The following FRMD4A variants were observed in gnomAD, a reference collection of about 807,000 sequenced individuals.
FRMD4A encodes the protein FERM domain-containing protein 4A.
A neutral mutation model predicts 129.1 loss-of-function variants in FRMD4A; 29 were observed. The ratio of observed to expected loss-of-function variants is 0.22; its 90% CI spans 0.17 to 0.31. The LOEUF (loss-of-function observed/expected upper bound fraction) is 0.31. Ranked by LOEUF, FRMD4A falls within the 10% of genes least tolerant of loss-of-function variation. The pLI, the probability that FRMD4A is intolerant of heterozygous loss-of-function variation, is 1.00. For missense variants in FRMD4A, 1,272 were observed against 1,375.8 expected, an observed-to-expected ratio of 0.92 and a Z score of 1.19; for synonymous variants, 634 against 571.6, an observed-to-expected ratio of 1.11 and a Z score of -1.56.
chr10:13,879,719 TCTCCCTTCTCCCTC>T, intron 2 of FRMD4A, among the ~76,000 whole-genome samples: 1 of 140,854 alleles, frequency 7.1e-6, no homozygotes, highest in South Asian at 2.5e-4. Context: ...CTTCCTCCCT[TCTCCCTTCTCCCTC>T]CTCCTCTCCC....
intron 2 of FRMD4A, among the ~76,000 whole-genome samples, chr10:13,979,383 G>A (rs1609477): frequency 0.024 from 3,604 of 152,144 alleles, 110 homozygotes; most frequent in East Asian, 0.12. Context: ...CGATTAAGCT[G>A]ACTTTATGCT....
intron 12 of FRMD4A, among the ~76,000 whole-genome samples, chr10:13,732,633 G>A (rs910180791): frequency 6.6e-6 from 1 of 152,256 alleles, no homozygotes; most frequent in Admixed American, 6.5e-5. Context: ...AGCTGTTACT[G>A]CAGAAGCCTC....
chr10:13,790,701 G>A (rs971068763), intron 5 of FRMD4A, among the ~76,000 whole-genome samples: 3 of 152,080 alleles, frequency 2.0e-5, no homozygotes, highest in African/African-American at 7.2e-5. Context: ...AGTGACCAGG[G>A]GGTACGATGG....
intron 4 of FRMD4A, among the ~76,000 whole-genome samples, chr10:13,796,958 G>A (rs1350664324): frequency 6.6e-6 from 1 of 152,162 alleles, no homozygotes; most frequent in Non-Finnish European, 1.5e-5. Flanking sequence ...GACCTCAGGT[G>A]ATCCGCCCAC....
chr10:13,814,079 A>T (rs1204181379), intron 3 of FRMD4A, among the ~76,000 whole-genome samples: 1 of 152,142 alleles, frequency 6.6e-6, no homozygotes, highest in East Asian at 1.9e-4. Context: ...TGTGCTCGAG[A>T]ATGGATTTGA....
intron 12 of FRMD4A, among the ~76,000 whole-genome samples, chr10:13,728,640 G>A (rs1396485511): frequency 2.1e-5 from 3 of 143,486 alleles, no homozygotes; most frequent in South Asian, 2.3e-4. Flanking sequence ...GCGTGATCTC[G>A]GCTCCCTGCA....
At chr10:13,764,187 G>GTT (rs1554886249) in intron 6 of FRMD4A, among the ~76,000 whole-genome samples, 1 of 136,784 alleles carries the variant, frequency 7.3e-6, no homozygotes, top group Non-Finnish European at 1.7e-5. Context: ...AGATTTCCGT[G>GTT]TGTGTGTGTG....
intron 17 of FRMD4A, among the ~76,000 whole-genome samples, 197 bp from the exon 18 acceptor site, chr10:13,666,522 GA>G (rs2083049347): frequency 6.6e-6 from 1 of 152,192 alleles, no homozygotes; most frequent in Non-Finnish European, 1.5e-5. Context: ...ACTTTCTGAA[GA>G]CAAGTGTTGG....
At chr10:13,802,778 G>T (rs537885414) in intron 4 of FRMD4A, among the ~76,000 whole-genome samples, 25 of 152,080 alleles carry the variant, frequency 1.6e-4, no homozygotes, top group African/African-American at 5.6e-4. Flanking sequence ...GTGGCCAAGT[G>T]TATGAAATGC....
chr10:13,673,345 T>G (rs1004770705), intron 16 of FRMD4A, among the ~76,000 whole-genome samples: 2 of 152,220 alleles, frequency 1.3e-5, no homozygotes, highest in Non-Finnish European at 2.9e-5. Flanking sequence ...CAAGTTGAAA[T>G]GTAATGTGAT....
At chr10:14,174,684 C>G (rs1331418965) in intron 2 of FRMD4A, among the ~76,000 whole-genome samples, 3 of 152,166 alleles carry the variant, frequency 2.0e-5, no homozygotes, top group Admixed American at 6.5e-5. Context: ...AATCCCACTG[C>G]GTGGAGTACT....
intron 2 of FRMD4A, among the ~76,000 whole-genome samples, chr10:13,897,534 C>A (rs919882493): frequency 6.6e-6 from 1 of 152,200 alleles, no homozygotes; most frequent in East Asian, 1.9e-4. Flanking sequence ...TGACACGAGA[C>A]CCTATGCCTG....
intron 2 of FRMD4A, among the ~76,000 whole-genome samples, chr10:14,224,173 A>AT (rs1295960383): frequency 6.6e-6 from 1 of 152,204 alleles, no homozygotes; most frequent in Non-Finnish European, 1.5e-5. Flanking sequence ...AGAAAAAAAA[A>AT]GTGTGCAGAA....
At chr10:13,681,464 C>T (rs983557373) in intron 15 of FRMD4A, among the ~76,000 whole-genome samples, 17 of 125,466 alleles carry the variant, frequency 1.4e-4, no homozygotes, top group African/African-American at 5.8e-4. Context: ...CTAAGTGCTA[C>T]CTGGAAAGGG....
chr10:13,657,239 T>G lies in FRMD4A; in HGVS notation c.2350A>C (p.Arg784=), dbSNP rs2082243443. The change falls in exon 22 of 25, where the codon AGG becomes CGG. Residue 784 remains arginine (R), a synonymous_variant. Coordinates refer to ENST00000357447, the MANE Select transcript of FRMD4A (RefSeq NM_018027.5). ...DSPSKARQRQ[R]QRQRAAGALG... The stretch of plus-strand genomic sequence containing the variant: ...GCGCCCGCCGCCCGCTGCCGCTGCC[T>G]CTGCCTCTGGCGCGCCTTGGACGGC... 1.9e-6 allele frequency: 3 copies of G among 1,585,886 alleles called. No homozygotes were observed. The highest frequency in any genetic ancestry group is 1.7e-6 in the Non-Finnish European group (2 of 1,170,744).
intron 17 of FRMD4A, chr10:13,668,091 C>T (rs1172061229): frequency 6.6e-6 from 1 of 152,230 alleles, no homozygotes; most frequent in Non-Finnish European, 1.5e-5. Flanking sequence ...ATCTCATTGA[C>T]TTTTGAGCAC....
At chr10:14,067,122 C>G (rs977048404) in intron 2 of FRMD4A, among the ~76,000 whole-genome samples, 1 of 151,848 alleles carries the variant, frequency 6.6e-6, no homozygotes, top group African/African-American at 2.4e-5. Flanking sequence ...TCGAGACCAG[C>G]CTGGCCAACA....
Position 13,686,452 on chromosome 10 carries a change from T to C in FRMD4A, c.1117+7446A>G, listed in dbSNP as rs529405524. Among the ~76,000 whole-genome samples the C allele has an allele frequency of 6.6e-5, 10 of 152,298 alleles. No homozygotes were observed. In the South Asian group the frequency reaches 2.1e-3, roughly 32 times the overall value. ...ATTGTTACATTAGTTATTAATAAAC[T>C]CCTTAACAATGGGAGGAAGTGCTAG... On this transcript the variant is annotated intron_variant, in intron 15 of 24. Transcript: ENST00000357447.
rs2093622083 is a variant in FRMD4A at position 13,821,003 on chromosome 10, T to C, written c.112-10095A>G. 6.6e-6 allele frequency among the ~76,000 whole-genome samples: 1 copy of C among 152,184 alleles called. No homozygotes were observed. Among genetic ancestry groups the C allele is most frequent in the African/African-American group, 2.4e-5 (1 of 41,446 alleles). On this transcript the variant is annotated intron_variant, in intron 3 of 24. Transcript: ENST00000357447. The surrounding 1 kb of genome is among the most constrained non-coding windows in gnomAD (Gnocchi z 4.3). ...GCAGGGGAAGGAGCGCAGCTTTGAA[T>C]AAATGAGCCTGAGCAAGCTGCCGGG...
Sources: allele counts gnomAD v4.1 joint callset (sites outside exome capture counted in the v4.1 genomes callset), GRCh38; gene constraint gnomAD v4.1.1; non-coding constraint Gnocchi (gnomAD v3.1); transcripts MANE v1.5; gene names NCBI Gene and HGNC (gene_info 2026-07-23, HGNC 2026-07-21).